PLAT: variants seen among roughly 807,000 people sequenced by gnomAD.
PLAT encodes tissue-type plasminogen activator.
In PLAT, 48 loss-of-function variants were observed where a neutral mutation model predicts 74.9. That is an observed-to-expected ratio of 0.64 (90% CI 0.51 to 0.82). PLAT has a LOEUF of 0.82. Ranked by LOEUF, PLAT falls within the 40% of genes least tolerant of loss-of-function variation. The pLI is 0.00. For missense variants in PLAT, 673 were observed against 736.2 expected, an observed-to-expected ratio of 0.91 and a Z score of 0.99; for synonymous variants, 307 against 294.4, an observed-to-expected ratio of 1.04 and a Z score of -0.44.
intron 1 of PLAT, among the ~76,000 whole-genome samples, chr8:42,199,419 C>G (rs544053483): frequency 2.2e-4 from 33 of 152,330 alleles, no homozygotes; most frequent in African/African-American, 7.9e-4. Flanking sequence ...CCAGCCTAGG[C>G]AACATAGCAA....
chr8:42,191,744 AT>A (rs1211035069), intron 2 of PLAT, among the ~76,000 whole-genome samples: 1 of 152,116 alleles, frequency 6.6e-6, no homozygotes, highest in African/African-American at 2.4e-5. Context: ...ATTATTTTAA[AT>A]TTAAACAGTT....
chr8:42,175,429 G>C lies in PLAT; in HGVS notation c.*564C>G, dbSNP rs1463247875. 1 of 153,238 alleles carries C rather than the reference G, an allele frequency of 6.5e-6. No individual in the cohort carries two copies. Among genetic ancestry groups the C allele is most frequent in the East Asian group, 1.9e-4 (1 of 5,212 alleles). The allele number at this position is 153,238 out of a possible 1,614,324, so 9.5% of individuals were successfully genotyped here. A position where few individuals can be genotyped will look rare whatever the true frequency, so the allele number is the denominator to read the frequency against. The stretch of plus-strand genomic sequence containing the variant: ...TACACTTTACACACTGTACACAAAA[G>C]GAATACCTTCTGAGAGCCAGGGAGT... On this transcript the variant is annotated 3_prime_UTR_variant, in exon 14 of 14. Transcript: ENST00000220809.
chr8:42,204,436 C>CA (rs1806255897), intron 1 of PLAT, among the ~76,000 whole-genome samples: 1 of 152,088 alleles, frequency 6.6e-6, no homozygotes, highest in Non-Finnish European at 1.5e-5. Context: ...TGCATAATGC[C>CA]AAATAATCAA....
intron 1 of PLAT, among the ~76,000 whole-genome samples, chr8:42,194,841 T>C (rs533670922): frequency 2.3e-5 from 3 of 131,192 alleles, no homozygotes; most frequent in Non-Finnish European, 4.7e-5. Context: ...TTTCATAGAC[T>C]GCAGCAGATC....
chr8:42,186,490 C>T (rs1384475504), intron 6 of PLAT: 1 of 152,200 alleles, frequency 6.6e-6, no homozygotes, highest in Non-Finnish European at 1.5e-5. Context: ...ACTTTCCCGA[C>T]CAAACCGATG....
In PLAT at chr8:42,180,271, A is replaced by G; in HGVS notation, c.1193T>C (p.Phe398Ser). The G allele has an allele frequency of 6.2e-7, 1 of 1,614,246 alleles. No homozygotes were observed. Among genetic ancestry groups the G allele is most frequent in the East Asian group, 2.2e-5 (1 of 44,886 alleles). ...EVEKYIVHKEFDDDTYDNDIA... is the reference protein window; with the variant it reads ...EVEKYIVHKESDDDTYDNDIA... Reference sequence around the variant, plus strand: ...GTCATTGTCGTAAGTGTCATCATCGAATTCCTTATGGACAATGTATTTTTC... The same window carrying G: ...GTCATTGTCGTAAGTGTCATCATCGGATTCCTTATGGACAATGTATTTTTC... The change falls in exon 11 of 14, where the codon TTC becomes TCC. Residue 398 changes from phenylalanine to serine, a missense_variant. By Grantham distance (155) the Phe-to-Ser change is radical. Coordinates refer to ENST00000220809, the MANE Select transcript of PLAT (RefSeq NM_000930.5).
Position 42,177,072 on chromosome 8 carries a change from G to A in PLAT, c.1531-921C>T, listed in dbSNP as rs369878908. Among the ~76,000 whole-genome samples, 18 of 152,038 alleles carry A rather than the reference G, an allele frequency of 1.2e-4. No individual in the cohort carries two copies. The South Asian group carries it at 1.2e-3, about 11-fold the overall frequency. On this transcript the variant is annotated intron_variant, in intron 13 of 13. Transcript: ENST00000220809. ...TCAGCTCACTGCACCCTCCACCTCC[G>A]GGGTTCAAGCAATTCTCGTGCTTAT...
At chr8:42,184,276 A>G (rs918577104) in intron 7 of PLAT, among the ~76,000 whole-genome samples, 12 of 151,986 alleles carry the variant, frequency 7.9e-5, no homozygotes, top group African/African-American at 2.9e-4. Context: ...AATCTTTCAT[A>G]GTGCTGTGAT....
At chr8:42,201,541 G>C (rs533740822) in intron 1 of PLAT, among the ~76,000 whole-genome samples, 1 of 152,110 alleles carries the variant, frequency 6.6e-6, no homozygotes, top group Admixed American at 6.6e-5. Flanking sequence ...TAGATCATCC[G>C]ACCACCTGTG....
chr8:42,204,556 T>C (rs1205494045), intron 1 of PLAT, among the ~76,000 whole-genome samples: 2 of 150,734 alleles, frequency 1.3e-5, no homozygotes, highest in Non-Finnish European at 2.9e-5. Context: ...CTGGCCAACA[T>C]GGTGAAAACT....
In PLAT at chr8:42,200,882, T is replaced by G. The variant is rs548604517; in HGVS notation, c.-27+6612A>C. Among the ~76,000 whole-genome samples, 3 of 152,212 alleles carry G rather than the reference T, an allele frequency of 2.0e-5. No individual in the cohort carries two copies. In the South Asian group the frequency reaches 6.2e-4, roughly 32 times the overall value. The stretch of plus-strand genomic sequence containing the variant: ...TTTCACTCTGTTGCCCAGGCTGGAT[T>G]GCAACGGTGCAATCTCAGCTCACTG... On this transcript the variant is annotated intron_variant, in intron 1 of 13. Coordinates refer to ENST00000220809, the MANE Select transcript of PLAT (RefSeq NM_000930.5).
chr8:42,180,220 G>C, intron 11 of PLAT, 22 bp downstream of exon 11: 1 of 1,613,828 alleles, frequency 6.2e-7, no homozygotes, highest in Non-Finnish European at 8.5e-7. Flanking sequence ...ATGAACTGGA[G>C]CCGGGAATGA....
intron 1 of PLAT, among the ~76,000 whole-genome samples, chr8:42,201,119 C>T (rs562091064): frequency 6.6e-6 from 1 of 152,320 alleles, no homozygotes; most frequent in East Asian, 1.9e-4. Flanking sequence ...CGTGAGCCAA[C>T]ACGCCTGGCC....
intron 7 of PLAT, 115 bp from the exon 8 acceptor site, chr8:42,183,005 ACT>A: frequency 2.6e-6 from 2 of 759,438 alleles, no homozygotes; most frequent in Non-Finnish European, 4.4e-6. Context: ...CTAGCCCGGC[ACT>A]GAGAAGAGTG....
At chr8:42,188,631 G>GTTGTT (rs778493761) in intron 4 of PLAT, 8 of 308,804 alleles carry the variant, frequency 2.6e-5, no homozygotes, top group Admixed American at 1.4e-4. Context: ...TTTTGTTTGT[G>GTTGTT]TTGTTTTGTT....
intron 1 of PLAT, among the ~76,000 whole-genome samples, chr8:42,195,852 G>A (rs184556374): frequency 2.0e-5 from 3 of 152,290 alleles, no homozygotes; most frequent in East Asian, 1.9e-4. Context: ...CCCAAGGATG[G>A]TGAGAGCTCC....
chr8:42,187,414 T>A lies in PLAT; in HGVS notation c.523A>T (p.Asn175Tyr). 6.3e-7 allele frequency: 1 copy of A among 1,586,580 alleles called. No individual in the cohort carries two copies. Among genetic ancestry groups the A allele is most frequent in the Non-Finnish European group, 8.6e-7 (1 of 1,169,372 alleles). The change falls in exon 6 of 14, where the codon AAC (asparagine) becomes TAC (tyrosine). Residue 175 changes from asparagine (N) to tyrosine (Y), a missense_variant. Physicochemically the swap from Asn to Tyr is moderately radical, Grantham distance 143. Coordinates refer to ENST00000220809, the MANE Select transcript of PLAT (RefSeq NM_000930.5). ...TGCCCTCACCTGCAGTAGTTGTGGT[T>A]CCCCAGGCCCAGCCTGATGGCGTCT... ...RPDAIRLGLGNHNYCRNPDRD... is the reference protein window; with the variant it reads ...RPDAIRLGLGYHNYCRNPDRD...
intron 1 of PLAT, among the ~76,000 whole-genome samples, chr8:42,202,332 CCT>C (rs1806163858): frequency 6.6e-6 from 1 of 152,082 alleles, no homozygotes; most frequent in Admixed American, 6.6e-5. Flanking sequence ...GTGTGCCCGG[CCT>C]CTGTTAGCTC....
Position 42,188,024 on chromosome 8 carries a change from G to C in PLAT, c.254-8C>G, listed in dbSNP as rs1587935442. 5.1e-6 allele frequency: 8 copies of C among 1,576,574 alleles called. No individual in the cohort carries two copies. Among genetic ancestry groups the C allele is most frequent in the Non-Finnish European group, 7.0e-6 (8 of 1,146,820 alleles). On this transcript the variant is annotated splice_polypyrimidine_tract_variant and splice_region_variant and intron_variant, in intron 4 of 13. Transcript: ENST00000220809. ...ACCTTGGCTCGCTGCAACCTGTCAA[G>C]TATAAAAAAGGAAGCCCCTAATGAC...
Sources: gnomAD v4.1 joint callset for allele counts (sites outside exome capture counted in the v4.1 genomes callset) on GRCh38, gnomAD v4.1.1 for gene constraint, MANE v1.5 for transcripts, NCBI Gene and HGNC (gene_info 2026-07-23, HGNC 2026-07-21) for gene names.